Variants in TRPM1 observed in about 807,000 individuals in gnomAD.
The protein encoded by TRPM1 is TRPM1-203 APA Isoform, Intron 10.
TRPM1 carries 113 observed loss-of-function variants against 149.4 expected under a neutral mutation model. The observed-to-expected ratio is 0.76, with a 90% CI of 0.65 to 0.88. TRPM1 has a LOEUF of 0.88. Ranked by LOEUF, TRPM1 falls within the 40% of genes least tolerant of loss-of-function variation. TRPM1 has a pLI of 0.00. For missense variants in TRPM1, 1,976 were observed against 2,038.7 expected (o/e 0.97, Z 0.59); for synonymous variants, 741 against 759.5 (o/e 0.98, Z 0.40).
Position 31,049,463 on chromosome 15 carries a change from C to A in TRPM1, c.1484G>T (p.Arg495Leu). Residue 495 changes from arginine to leucine, a missense_variant, in exon 13 of 28, where the codon CGT becomes CTT. By Grantham distance (102) the Arg-to-Leu change is moderately radical (BLOSUM62 -2). This residue lies in a region of TRPM1 where 1,332 missense variants were observed against 1,347.1 expected (regional missense o/e 0.99). Coordinates refer to ENST00000256552, the MANE Select transcript of TRPM1 (RefSeq NM_001252024.2). ...AATCAGGAGCTTCACAAAGTCGACA[C>A]GATCTAAGACTAAAGCATCTAGCAT... ...QAMLDALVLD[R>L]VDFVKLLIEN... The A allele has an allele frequency of 1.2e-6, 2 of 1,614,178 alleles. No homozygotes were observed. Among genetic ancestry groups the A allele is most frequent in the Admixed American group, 1.7e-5 (1 of 60,012 alleles).
chr15:31,062,725 A>G (rs758554014), intron 8 of TRPM1, 23 bp from the exon 9 acceptor site: 2 of 1,613,140 alleles, frequency 1.2e-6, no homozygotes, highest in South Asian at 1.1e-5. Flanking sequence ...AATGCAAGAG[A>G]ACAAAACAAG....
chr15:31,092,696 C>T (rs979644946), intron 1 of TRPM1, among the ~76,000 whole-genome samples: 3 of 152,072 alleles, frequency 2.0e-5, no homozygotes, highest in Non-Finnish European at 4.4e-5. Flanking sequence ...TCCAGGAGAC[C>T]GCACTGTTCA....
intron 18 of TRPM1, among the ~76,000 whole-genome samples, chr15:31,039,809 G>A (rs1307517576): frequency 6.6e-6 from 1 of 152,134 alleles, no homozygotes; most frequent in African/African-American, 2.4e-5. Context: ...AGTTATGGGG[G>A]GCTCCATTAG....
chr15:31,035,570 G>T lies in TRPM1; in HGVS notation c.2676C>A (p.Ser892Arg). 1 of 1,614,190 alleles carries T rather than the reference G, an allele frequency of 6.2e-7. No individual in the cohort carries two copies. Among genetic ancestry groups the T allele is most frequent in the East Asian group, 2.2e-5 (1 of 44,886 alleles). Residue 892 changes from serine to arginine, a missense_variant, in exon 21 of 28, where the codon AGC (serine) becomes AGA (arginine). Physicochemically the swap from Ser to Arg is moderately radical, Grantham distance 110. This residue lies in a region of TRPM1 where 1,332 missense variants were observed against 1,347.1 expected (regional missense o/e 0.99). Coordinates refer to ENST00000256552, the MANE Select transcript of TRPM1 (RefSeq NM_001252024.2). ...QEWIVISYIV[S>R]LALEKIREIL... ...CCTCTCGTATCTTCTCTAACGCCAG[G>T]CTCACGATGTAGGAGATGACGATCC... is the stretch of plus-strand genomic sequence containing the variant.
intron 3 of TRPM1, among the ~76,000 whole-genome samples, chr15:31,073,069 T>C (rs1164001389): frequency 6.6e-6 from 1 of 152,174 alleles, no homozygotes; most frequent in Non-Finnish European, 1.5e-5. Context: ...GTGTAATATC[T>C]CAGAATCATT....
intron 6 of TRPM1, among the ~76,000 whole-genome samples, chr15:31,066,688 A>T (rs2034386000): frequency 6.6e-6 from 1 of 152,240 alleles, no homozygotes; most frequent in Non-Finnish European, 1.5e-5. Context: ...AGTGAAAAAA[A>T]AGCCAATCCC....
At chr15:31,024,811 C>T (rs886322122) in intron 27 of TRPM1, among the ~76,000 whole-genome samples, 1 of 152,078 alleles carries the variant, frequency 6.6e-6, no homozygotes, top group African/African-American at 2.4e-5. Context: ...ATTTTTATAC[C>T]TTGAAAGTTT....
At chr15:31,038,651 G>T (rs2033506201) in intron 18 of TRPM1, among the ~76,000 whole-genome samples, 1 of 152,204 alleles carries the variant, frequency 6.6e-6, no homozygotes, top group African/African-American at 2.4e-5. Context: ...GGCGGAGCTT[G>T]CAGTGAGGCG....
chr15:31,003,247 C>T (rs1394450326), intron 27 of TRPM1, among the ~76,000 whole-genome samples, 177 bp from the exon 28 acceptor site: 1 of 152,116 alleles, frequency 6.6e-6, no homozygotes, highest in Non-Finnish European at 1.5e-5. Context: ...TGAGGAGCCA[C>T]CAGAAAATAA....
chr15:31,147,328 T>A (rs944499537), intron 1 of TRPM1, among the ~76,000 whole-genome samples: 1 of 152,254 alleles, frequency 6.6e-6, no homozygotes, highest in African/African-American at 2.4e-5. Flanking sequence ...TGAATTTCCA[T>A]AAACATTTTA....
At chr15:31,125,348 A>C (rs992056800) in intron 1 of TRPM1, among the ~76,000 whole-genome samples, 2 of 152,182 alleles carry the variant, frequency 1.3e-5, no homozygotes, top group African/African-American at 4.8e-5. Context: ...TGTGAGGGGG[A>C]GACAGGAAGT....
intron 14 of TRPM1, among the ~76,000 whole-genome samples, chr15:31,047,566 C>A (rs995165345): frequency 6.6e-6 from 1 of 152,206 alleles, no homozygotes; most frequent in African/African-American, 2.4e-5. Flanking sequence ...CGAGAGGCTG[C>A]ATGGACAGAC....
chr15:31,054,334 AC>A (rs2034028473), intron 11 of TRPM1, among the ~76,000 whole-genome samples: 1 of 151,568 alleles, frequency 6.6e-6, no homozygotes, highest in Admixed American at 6.6e-5. Flanking sequence ...TTGTTCTGTC[AC>A]CCAGGCTGGA....
At chr15:31,152,440 C>T (rs1185359924) in intron 1 of TRPM1, among the ~76,000 whole-genome samples, 2 of 152,168 alleles carry the variant, frequency 1.3e-5, no homozygotes, top group Non-Finnish European at 2.9e-5. Context: ...CAAAGTGGAC[C>T]CCTGACTGAG....
At chr15:31,096,263 T>G (rs1396099858) in intron 1 of TRPM1, among the ~76,000 whole-genome samples, 4 of 152,042 alleles carry the variant, frequency 2.6e-5, no homozygotes, top group Non-Finnish European at 5.9e-5. Flanking sequence ...AAGGGCCCCA[T>G]GGTAAAACAC....
At chr15:31,159,185 GTTTTT>G (rs2036414740) in intron 1 of TRPM1, among the ~76,000 whole-genome samples, 1 of 152,132 alleles carries the variant, frequency 6.6e-6, no homozygotes. Flanking sequence ...AGGAGGTGCT[GTTTTT>G]CAGTCTGGAC....
intron 8 of TRPM1, 149 bp downstream of exon 8, chr15:31,062,969 C>T: frequency 1.7e-6 from 2 of 1,157,724 alleles, no homozygotes; most frequent in Non-Finnish European, 1.3e-6. Flanking sequence ...CCCCTGGATG[C>T]TGACCTGAGG....
chr15:31,131,642 C>G (rs1056945146), intron 1 of TRPM1, among the ~76,000 whole-genome samples: 3 of 152,176 alleles, frequency 2.0e-5, no homozygotes, highest in Non-Finnish European at 4.4e-5. Flanking sequence ...GAAGGGGGGA[C>G]TGCTGTAGTG....
chr15:31,076,722 T>C (rs1024074399), intron 3 of TRPM1, among the ~76,000 whole-genome samples, 183 bp downstream of exon 3: 4 of 152,160 alleles, frequency 2.6e-5, no homozygotes, highest in African/African-American at 7.2e-5. Context: ...CAAACTCTTT[T>C]CTGAAGCCAT....
Sources: allele counts gnomAD v4.1 joint callset (sites outside exome capture counted in the v4.1 genomes callset), GRCh38; gene constraint gnomAD v4.1.1; regional missense constraint gnomAD v4.1.1; transcripts MANE v1.5; gene names NCBI Gene and HGNC (gene_info 2026-07-23, HGNC 2026-07-21).